Variants in PRKCE observed in about 807,000 individuals in gnomAD.
PRKCE encodes protein kinase C epsilon, also known as protein kinase C epsilon type.
A neutral mutation model predicts 85.4 loss-of-function variants in PRKCE; 16 were observed. The observed-to-expected ratio is 0.19, with a 90% CI of 0.13 to 0.28. PRKCE has a LOEUF of 0.28. PRKCE is among the 10% of genes least tolerant of loss of function. The pLI, the probability that PRKCE is intolerant of heterozygous loss-of-function variation, is 1.00. For synonymous variants in PRKCE, 388 were observed against 371.5 expected (o/e 1.04, Z -0.51); for missense variants, 573 against 975.2 (o/e 0.59, Z 5.49).
In PRKCE at chr2:45,990,221, C is replaced by T. The variant is rs73926142; in HGVS notation, c.823+5541C>T. Among the ~76,000 whole-genome samples the T allele has an allele frequency of 4.9e-3, 750 of 152,314 alleles. 7 individuals are homozygous for T. The highest frequency in any genetic ancestry group is 0.017 in the African/African-American group (710 of 41,564). The stretch of plus-strand genomic sequence containing the variant: ...CTGGAAGAGGATCCACTTCCAAGCT[C>T]GCCCACATGGCCACTGACCAGAAAC... On this transcript the variant is annotated intron_variant, in intron 6 of 14. Coordinates refer to ENST00000306156, the MANE Select transcript of PRKCE (RefSeq NM_005400.3).
At chr2:46,166,076 G>A (rs192856120) in intron 14 of PRKCE, among the ~76,000 whole-genome samples, 3 of 152,238 alleles carry the variant, frequency 2.0e-5, no homozygotes, top group Non-Finnish European at 2.9e-5. Flanking sequence ...AGCCATCCGC[G>A]CTGCATGGCG....
At chr2:45,963,011 A>C (rs1657510740) in intron 2 of PRKCE, among the ~76,000 whole-genome samples, 1 of 152,224 alleles carries the variant, frequency 6.6e-6, no homozygotes, top group Non-Finnish European at 1.5e-5. Flanking sequence ...AAGTTCCACA[A>C]GAGCTGTGGC....
At position 45,905,034 on chromosome 2, in the gene PRKCE, G is replaced by T. The variant is rs921181453; in HGVS notation, c.412+61971G>T. On this transcript the variant is annotated intron_variant, in intron 2 of 14. Coordinates refer to ENST00000306156, the MANE Select transcript of PRKCE (RefSeq NM_005400.3). The surrounding 1 kb of genome is among the most constrained non-coding windows in gnomAD (Gnocchi z 4.4). ...GGCTCCACATCACTTCAGCAGGCAC[G>T]GTGACACACAGGACTCACTGGATGC... Among the ~76,000 whole-genome samples, 1 of 152,206 alleles carries T rather than the reference G, an allele frequency of 6.6e-6. No individual in the cohort carries two copies. Among genetic ancestry groups the T allele is most frequent in the African/African-American group, 2.4e-5 (1 of 41,452 alleles).
chr2:45,863,010 C>T (rs918435324), intron 2 of PRKCE, among the ~76,000 whole-genome samples: 1 of 152,202 alleles, frequency 6.6e-6, no homozygotes, highest in Non-Finnish European at 1.5e-5. Flanking sequence ...GCTGTGGCCC[C>T]ACTGCTGGAG....
chr2:45,885,111 A>T (rs568402880), intron 2 of PRKCE, among the ~76,000 whole-genome samples: 9 of 151,480 alleles, frequency 5.9e-5, no homozygotes, highest in African/African-American at 2.2e-4. Context: ...ATACTTTCTT[A>T]TGACTTGGTC....
intron 1 of PRKCE, among the ~76,000 whole-genome samples, chr2:45,681,585 C>T (rs1676907475): frequency 6.6e-6 from 1 of 152,170 alleles, no homozygotes; most frequent in African/African-American, 2.4e-5. Flanking sequence ...CACTTGACTC[C>T]TTGAGCTGTT....
chr2:45,919,189 A>T (rs1698064109), intron 2 of PRKCE, among the ~76,000 whole-genome samples: 1 of 152,208 alleles, frequency 6.6e-6, no homozygotes, highest in Non-Finnish European at 1.5e-5. Context: ...AGGGGAAAAG[A>T]GCTGATGAAT....
chr2:45,908,134 G>T (rs1051492269), intron 2 of PRKCE, among the ~76,000 whole-genome samples: 1 of 152,184 alleles, frequency 6.6e-6, no homozygotes, highest in African/African-American at 2.4e-5. Flanking sequence ...CCAAGGGGAA[G>T]GAATTATATC....
At chr2:46,121,310 G>A (rs1673291697) in intron 11 of PRKCE, among the ~76,000 whole-genome samples, 1 of 152,166 alleles carries the variant, frequency 6.6e-6, no homozygotes, top group Non-Finnish European at 1.5e-5. Context: ...TGTAAAGTAG[G>A]CGTTGTATTG....
intron 10 of PRKCE, among the ~76,000 whole-genome samples, chr2:46,084,423 C>A (rs1194211574): frequency 6.6e-6 from 1 of 152,066 alleles, no homozygotes; most frequent in Non-Finnish European, 1.5e-5. Flanking sequence ...TTAGACTATA[C>A]CTATGTGTTA....
At chr2:46,176,789 T>C (rs1679471597) in intron 14 of PRKCE, among the ~76,000 whole-genome samples, 1 of 152,218 alleles carries the variant, frequency 6.6e-6, no homozygotes. Flanking sequence ...CAAAGGGCTC[T>C]GGTCCTGATC....
chr2:45,990,580 C>T (rs1343491695), intron 6 of PRKCE, among the ~76,000 whole-genome samples: 30 of 152,088 alleles, frequency 2.0e-4, no homozygotes, highest in Non-Finnish European at 5.9e-5. Context: ...CTCTCAAGCT[C>T]TTGTCTCTCG....
At chr2:45,771,840 C>G (rs866334324) in intron 1 of PRKCE, among the ~76,000 whole-genome samples, 1 of 151,970 alleles carries the variant, frequency 6.6e-6, no homozygotes, top group South Asian at 2.1e-4. Flanking sequence ...CCCTGGGGTC[C>G]CAAGTCTTCC....
chr2:46,050,144 C>T (rs1390726600), intron 10 of PRKCE, among the ~76,000 whole-genome samples: 2 of 152,242 alleles, frequency 1.3e-5, no homozygotes, highest in Non-Finnish European at 2.9e-5. Context: ...TGCACATTCC[C>T]AGATCTCTGA....
intron 1 of PRKCE, among the ~76,000 whole-genome samples, chr2:45,749,869 A>G (rs1369059340): frequency 6.6e-6 from 1 of 152,234 alleles, no homozygotes; most frequent in African/African-American, 2.4e-5. Context: ...ACTAAAGTAT[A>G]AATGCCACTT....
At chr2:46,051,696 A>G (rs1708868738) in intron 10 of PRKCE, among the ~76,000 whole-genome samples, 1 of 152,198 alleles carries the variant, frequency 6.6e-6, no homozygotes, top group Admixed American at 6.5e-5. Flanking sequence ...TACCTTAGTG[A>G]AATAAAGTGA....
chr2:46,082,582 G>T (rs1669194115), intron 10 of PRKCE, among the ~76,000 whole-genome samples: 1 of 152,140 alleles, frequency 6.6e-6, no homozygotes, highest in Admixed American at 6.5e-5. Flanking sequence ...GAGGTGCCTT[G>T]GAAACTGGGC....
At position 46,046,686 on chromosome 2, in the gene PRKCE, G is replaced by A. The variant is rs147902557; in HGVS notation, c.1437+36169G>A. ...AACTTTAAAAGTCAGTGGGGGAGGC[G>A]GAGTGTCAACTGTGTAGCTACAGCA... On this transcript the variant is annotated intron_variant, in intron 10 of 14. Transcript: ENST00000306156. Among the ~76,000 whole-genome samples, 347 of 152,282 alleles carry A rather than the reference G, an allele frequency of 2.3e-3. 2 individuals carry two copies. The highest frequency in any genetic ancestry group is 6.8e-3 in the Middle Eastern group (2 of 294).
chr2:45,874,881 T>A (rs1207493557), intron 2 of PRKCE, among the ~76,000 whole-genome samples: 1 of 152,130 alleles, frequency 6.6e-6, no homozygotes, highest in African/African-American at 2.4e-5. Flanking sequence ...ACTTGCCTAG[T>A]TCTGGCCTAT....
Sources: allele counts gnomAD v4.1 joint callset (sites outside exome capture counted in the v4.1 genomes callset), GRCh38; gene constraint gnomAD v4.1.1; non-coding constraint Gnocchi (gnomAD v3.1); transcripts MANE v1.5; gene names NCBI Gene and HGNC (gene_info 2026-07-23, HGNC 2026-07-21).